The following VRK2 variants were observed in gnomAD, a reference collection of about 807,000 sequenced individuals.
VRK2 encodes the protein VRK serine/threonine kinase 2.
VRK2 carries 60 observed loss-of-function variants against 57.6 expected under a neutral mutation model. That is an observed-to-expected ratio of 1.04 (90% CI 0.85 to 1.29). The LOEUF (loss-of-function observed/expected upper bound fraction) is 1.29, where lower values mean the gene tolerates loss of function less well. Among genes scored for constraint, VRK2 ranks in the 50% most tolerant of loss-of-function variants. The pLI is 0.00. For synonymous variants in VRK2, 231 were observed against 199.2 expected, an observed-to-expected ratio of 1.16 and a Z score of -1.35; for missense variants, 705 against 588.1, an observed-to-expected ratio of 1.20 and a Z score of -2.06.
intron 7 of VRK2, among the ~76,000 whole-genome samples, chr2:58,095,740 TATTTA>T (rs1159688228): frequency 1.2e-4 from 18 of 152,170 alleles, no homozygotes; most frequent in African/African-American, 4.3e-4. Flanking sequence ...ACAGTTCTTG[TATTTA>T]ATTTGTCTTG....
At chr2:57,919,098 T>C (rs919063783) in intron 1 of VRK2, among the ~76,000 whole-genome samples, 10 of 152,126 alleles carry the variant, frequency 6.6e-5, no homozygotes, top group African/African-American at 2.2e-4. Flanking sequence ...TGCATTATTC[T>C]GCAATAAATC....
chr2:58,017,515 C>T (rs1673622705), intron 1 of VRK2, among the ~76,000 whole-genome samples: 1 of 152,198 alleles, frequency 6.6e-6, no homozygotes, highest in Non-Finnish European at 1.5e-5. Flanking sequence ...GCTGGGGCCT[C>T]TTCATGGCCT....
intron 1 of VRK2, among the ~76,000 whole-genome samples, chr2:57,954,672 T>C (rs975699194): frequency 5.9e-5 from 9 of 152,080 alleles, no homozygotes; most frequent in Admixed American, 3.9e-4. Flanking sequence ...TCAATAATGA[T>C]ACTAGATTAT....
rs571180289 is a variant in VRK2 at position 57,997,633 on chromosome 2, T to C, written c.-438-28032T>C. Reference sequence around the variant, plus strand: ...AAACTGGGATGCAGGCCAGGCATAGTGGCTCACACCTGTAATCCCGGCAGT... The same window carrying C: ...AAACTGGGATGCAGGCCAGGCATAGCGGCTCACACCTGTAATCCCGGCAGT... On this transcript the variant is annotated intron_variant, in intron 1 of 15. Coordinates refer to the VRK2 transcript ENST00000417641. Among the ~76,000 whole-genome samples the C allele has an allele frequency of 4.7e-4, 71 of 152,340 alleles. 1 individual carries two copies. The highest frequency in any genetic ancestry group is 1.6e-3 in the African/African-American group (65 of 41,576).
chr2:57,982,298 C>G (rs143916543), intron 1 of VRK2, among the ~76,000 whole-genome samples: 459 of 152,314 alleles, frequency 3.0e-3, no homozygotes, highest in Non-Finnish European at 4.5e-3. Context: ...CAACAACACT[C>G]TAATGGGGGC....
At chr2:58,108,046 A>G (rs1011023144) in intron 7 of VRK2, among the ~76,000 whole-genome samples, 4 of 152,118 alleles carry the variant, frequency 2.6e-5, no homozygotes, top group Non-Finnish European at 4.4e-5. Flanking sequence ...CCATAAACGG[A>G]CAAACCAGGA....
chr2:57,993,450 C>A (rs1672832049), intron 1 of VRK2, among the ~76,000 whole-genome samples: 1 of 151,092 alleles, frequency 6.6e-6, no homozygotes, highest in South Asian at 2.1e-4. Context: ...AGCAATATAT[C>A]TCTAGAAAAA....
intron 8 of VRK2, among the ~76,000 whole-genome samples, chr2:58,131,349 G>C (rs1185401639): frequency 6.6e-6 from 1 of 151,122 alleles, no homozygotes; most frequent in Admixed American, 6.6e-5. Context: ...AGTGGAACAG[G>C]AAAGGCCATC....
At chr2:58,154,156 C>G (rs1312256339) in intron 12 of VRK2, among the ~76,000 whole-genome samples, 1 of 151,916 alleles carries the variant, frequency 6.6e-6, no homozygotes, top group Non-Finnish European at 1.5e-5. Context: ...TTGTTTCTTC[C>G]CAGATACTGG....
intron 12 of VRK2, among the ~76,000 whole-genome samples, chr2:58,154,536 T>A (rs895115779): frequency 1.3e-5 from 2 of 152,056 alleles, no homozygotes; most frequent in African/African-American, 4.8e-5. Context: ...AGTACAAATA[T>A]TTAGTATTAT....
intron 1 of VRK2, among the ~76,000 whole-genome samples, chr2:58,002,991 T>C (rs975329993): frequency 2.0e-5 from 3 of 152,198 alleles, no homozygotes; most frequent in Non-Finnish European, 4.4e-5. Flanking sequence ...GGAAGTTAAA[T>C]TGTCTAAAAT....
intron 1 of VRK2, among the ~76,000 whole-genome samples, chr2:57,965,174 T>G (rs77534782): frequency 1.3e-5 from 2 of 152,128 alleles, no homozygotes; most frequent in East Asian, 1.9e-4. Context: ...CATCATACAA[T>G]GAAATAAACA....
intron 2 of VRK2, among the ~76,000 whole-genome samples, chr2:58,077,210 A>G (rs1230893562): frequency 3.3e-5 from 5 of 151,770 alleles, no homozygotes; most frequent in African/African-American, 1.2e-4. Flanking sequence ...TTTTCTTTAT[A>G]GGCTTTAAAT....
At chr2:57,955,123 T>C (rs1384665833) in intron 1 of VRK2, among the ~76,000 whole-genome samples, 1 of 152,138 alleles carries the variant, frequency 6.6e-6, no homozygotes, top group Non-Finnish European at 1.5e-5. Context: ...AGGAAAGAAA[T>C]GAAGAGCATT....
At chr2:58,087,510 A>G (rs1671794718) in intron 5 of VRK2, among the ~76,000 whole-genome samples, 1 of 152,060 alleles carries the variant, frequency 6.6e-6, no homozygotes, top group Admixed American at 6.6e-5. Context: ...CAAATTCCTA[A>G]GTGTGTGTGT....
At chr2:58,153,901 G>A (rs946764661) in intron 12 of VRK2, among the ~76,000 whole-genome samples, 1 of 152,012 alleles carries the variant, frequency 6.6e-6, no homozygotes, top group Admixed American at 6.6e-5. Context: ...TATTTCAAGA[G>A]TAGGCAAACT....
At chr2:58,135,944 A>G (rs1191841414) in intron 10 of VRK2, among the ~76,000 whole-genome samples, 2 of 152,208 alleles carry the variant, frequency 1.3e-5, no homozygotes, top group African/African-American at 2.4e-5. Context: ...GAGACAGATA[A>G]TCAGAGTGAA....
chr2:57,959,845 T>C (rs1671701914), intron 1 of VRK2, among the ~76,000 whole-genome samples: 2 of 152,002 alleles, frequency 1.3e-5, no homozygotes, highest in Non-Finnish European at 2.9e-5. Flanking sequence ...GAAAACATAG[T>C]TTTCGGTGGA....
chr2:57,961,652 A>G (rs1671765917), intron 1 of VRK2, among the ~76,000 whole-genome samples: 1 of 120,466 alleles, frequency 8.3e-6, no homozygotes, highest in Non-Finnish European at 1.6e-5. Context: ...ACTCTGATTA[A>G]TCAATAGTTG....
Sources: gnomAD v4.1 joint callset for allele counts (sites outside exome capture counted in the v4.1 genomes callset) on GRCh38, gnomAD v4.1.1 for gene constraint, MANE v1.5 for transcripts, NCBI Gene and HGNC (gene_info 2026-07-23, HGNC 2026-07-21) for gene names.